Variants in PDE7B observed in about 807,000 individuals in gnomAD.
PDE7B encodes the protein 3',5'-cyclic-AMP phosphodiesterase 7B.
Under a neutral mutation model 56.2 loss-of-function variants are expected in PDE7B, and 29 were observed. The observed-to-expected ratio is 0.52, with a 90% CI of 0.38 to 0.70. PDE7B has a LOEUF of 0.70. Ranked by LOEUF, PDE7B falls within the 30% of genes least tolerant of loss-of-function variation. The pLI is 0.00. For missense variants in PDE7B, 490 were observed against 565.0 expected (o/e 0.87, Z 1.35); for synonymous variants, 197 against 196.9 (o/e 1.00, Z 0.00).
chr6:135,921,278 C>G (rs1167057097), intron 1 of PDE7B, among the ~76,000 whole-genome samples: 1 of 152,088 alleles, frequency 6.6e-6, no homozygotes, highest in Non-Finnish European at 1.5e-5. Context: ...TAATCCTTTT[C>G]TTAGATGGAC....
intron 2 of PDE7B, among the ~76,000 whole-genome samples, chr6:136,021,460 C>A (rs183110570): frequency 1.3e-5 from 2 of 152,214 alleles, no homozygotes; most frequent in Non-Finnish European, 2.9e-5. Context: ...GCCTGGCCAA[C>A]ATGATGAGAC....
intron 1 of PDE7B, among the ~76,000 whole-genome samples, chr6:135,940,086 C>T (rs1183548229): frequency 2.0e-5 from 3 of 152,156 alleles, no homozygotes; most frequent in African/African-American, 7.2e-5. Flanking sequence ...CTCCAATCCC[C>T]TCTGTGACGA....
intron 2 of PDE7B, among the ~76,000 whole-genome samples, chr6:135,977,268 G>A (rs1057029607): frequency 6.6e-6 from 1 of 152,074 alleles, no homozygotes; most frequent in African/African-American, 2.4e-5. Context: ...CATAGATCTA[G>A]GGATCCAGAC....
chr6:135,932,860 G>A (rs1441579244), intron 1 of PDE7B, among the ~76,000 whole-genome samples: 3 of 152,188 alleles, frequency 2.0e-5, no homozygotes, highest in Non-Finnish European at 4.4e-5. Flanking sequence ...TTTGATTGGA[G>A]AGCAAGATAG....
chr6:135,938,969 G>A (rs1378880071), intron 1 of PDE7B, among the ~76,000 whole-genome samples: 1 of 152,220 alleles, frequency 6.6e-6, no homozygotes, highest in Non-Finnish European at 1.5e-5. Flanking sequence ...AAAAATAGGG[G>A]TATGTAATAA....
At chr6:136,161,763 C>G (rs1778707169) in intron 8 of PDE7B, among the ~76,000 whole-genome samples, 1 of 152,148 alleles carries the variant, frequency 6.6e-6, no homozygotes, top group Admixed American at 6.5e-5. Flanking sequence ...TTTGTAGCTA[C>G]TGAACTTTGG....
chr6:136,108,179 CAAAT>C (rs1777682322), intron 2 of PDE7B, among the ~76,000 whole-genome samples: 1 of 144,806 alleles, frequency 6.9e-6, no homozygotes, highest in African/African-American at 2.5e-5. Flanking sequence ...AGGGAACCTA[CAAAT>C]AAATAAGTAC....
intron 3 of PDE7B, among the ~76,000 whole-genome samples, chr6:136,131,495 T>G (rs523841): frequency 4.1e-5 from 3 of 72,874 alleles, no homozygotes; most frequent in African/African-American, 1.6e-4. Context: ...TCCTGGCAGG[T>G]TTTTTTTTTT....
chr6:136,069,554 T>G (rs1777010383), intron 2 of PDE7B, among the ~76,000 whole-genome samples: 1 of 152,238 alleles, frequency 6.6e-6, no homozygotes, highest in Non-Finnish European at 1.5e-5. Context: ...GTGCAGAGTT[T>G]TTAAGGCATT....
intron 2 of PDE7B, among the ~76,000 whole-genome samples, chr6:136,007,995 C>A (rs1775818477): frequency 6.6e-6 from 1 of 151,334 alleles, no homozygotes; most frequent in African/African-American, 2.4e-5. Flanking sequence ...CCCCCCACCC[C>A]ACAACAGGCC....
chr6:136,144,806 G>T (rs1389777381), intron 3 of PDE7B, among the ~76,000 whole-genome samples: 1 of 152,120 alleles, frequency 6.6e-6, no homozygotes, highest in African/African-American at 2.4e-5. Context: ...ATTAGAATCA[G>T]ATGTGCATTT....
At chr6:135,867,566 A>T (rs1775286674) in intron 1 of PDE7B, among the ~76,000 whole-genome samples, 1 of 152,024 alleles carries the variant, frequency 6.6e-6, no homozygotes, top group African/African-American at 2.4e-5. Flanking sequence ...TATTTTCCTG[A>T]TCCCTCTCCT....
At chr6:136,030,117 A>AG (rs200341924) in intron 2 of PDE7B, among the ~76,000 whole-genome samples, 2,297 of 152,334 alleles carry the variant, frequency 0.015, 51 homozygotes, top group African/African-American at 0.051. Context: ...GGTGTTCATA[A>AG]CCATAGCAAA....
At chr6:135,989,133 C>A (rs1775430562) in intron 2 of PDE7B, among the ~76,000 whole-genome samples, 1 of 152,026 alleles carries the variant, frequency 6.6e-6, no homozygotes, top group Admixed American at 6.6e-5. Context: ...TGTAATTAAA[C>A]CAACGGAAAA....
chr6:135,944,519 C>T (rs1041616830), intron 1 of PDE7B, among the ~76,000 whole-genome samples: 2 of 152,142 alleles, frequency 1.3e-5, no homozygotes, highest in African/African-American at 4.8e-5. Flanking sequence ...AAAGGCGCCT[C>T]AGCAATTTCC....
At chr6:136,063,220 G>A (rs929422270) in intron 2 of PDE7B, among the ~76,000 whole-genome samples, 1 of 152,198 alleles carries the variant, frequency 6.6e-6, no homozygotes, top group Non-Finnish European at 1.5e-5. Context: ...CAAAATTGTA[G>A]GCAGTGACCT....
At chr6:136,083,233 T>C (rs1777233697) in intron 2 of PDE7B, among the ~76,000 whole-genome samples, 1 of 152,196 alleles carries the variant, frequency 6.6e-6, no homozygotes, top group Non-Finnish European at 1.5e-5. Flanking sequence ...CTGATATTCC[T>C]TCCAGAAGGG....
chr6:136,191,347 CT>C (rs1779221343), intron 12 of PDE7B, among the ~76,000 whole-genome samples: 1 of 152,166 alleles, frequency 6.6e-6, no homozygotes, highest in African/African-American at 2.4e-5. Flanking sequence ...TTTCTCCTCA[CT>C]GGTACACATC....
chr6:136,189,242 CCTCT>C (rs147612290), intron 12 of PDE7B, among the ~76,000 whole-genome samples: 109 of 152,236 alleles, frequency 7.2e-4, no homozygotes, highest in Non-Finnish European at 1.2e-3. Context: ...TCCACGCTTC[CCTCT>C]CTCTACCAAA....
Sources: gnomAD v4.1 joint callset for allele counts (sites outside exome capture counted in the v4.1 genomes callset) on GRCh38, gnomAD v4.1.1 for gene constraint, MANE v1.5 for transcripts, NCBI Gene and HGNC (gene_info 2026-07-23, HGNC 2026-07-21) for gene names.